Variants in FBXW7 observed in about 807,000 individuals in gnomAD.
FBXW7 encodes the protein F-box and WD repeat domain containing 7, also known as F-box/WD repeat-containing protein 7.
A neutral mutation model predicts 86.3 loss-of-function variants in FBXW7; 11 were observed. The observed-to-expected ratio is 0.13, with a 90% CI of 0.08 to 0.21. The LOEUF (loss-of-function observed/expected upper bound fraction) is 0.21. FBXW7 is among the 10% of genes least tolerant of loss of function. The pLI, the probability that FBXW7 is intolerant of heterozygous loss-of-function variation, is 1.00. For missense variants in FBXW7, 488 were observed against 847.4 expected (o/e 0.58, Z 5.27); for synonymous variants, 313 against 297.9 (o/e 1.05, Z -0.52).
chr4:152,468,896 A>T (rs1285374104), intron 2 of FBXW7, among the ~76,000 whole-genome samples: 2 of 152,116 alleles, frequency 1.3e-5, no homozygotes, highest in East Asian at 3.8e-4. Context: ...CAACTCCAGA[A>T]ATCAGTTACC....
chr4:152,530,355 T>C (rs1329872009), intron 2 of FBXW7: 5 of 152,158 alleles, frequency 3.3e-5, no homozygotes, highest in Admixed American at 6.5e-5. Flanking sequence ...AAACCAACCA[T>C]AGACACTTCT....
At chr4:152,378,971 A>G (rs539247311) in intron 4 of FBXW7, among the ~76,000 whole-genome samples, 75 of 152,198 alleles carry the variant, frequency 4.9e-4, no homozygotes, top group Admixed American at 9.2e-4. Context: ...GCGCCACTAC[A>G]CTCCAGCCTG....
At chr4:152,351,406 G>A (rs2126655860) in intron 4 of FBXW7, among the ~76,000 whole-genome samples, 1 of 152,148 alleles carries the variant, frequency 6.6e-6, no homozygotes, top group East Asian at 1.9e-4. Context: ...ATACCTACTG[G>A]AAAGAAATGG....
chr4:152,519,331 G>T (rs568422468), intron 2 of FBXW7, among the ~76,000 whole-genome samples: 55 of 151,874 alleles, frequency 3.6e-4, no homozygotes, highest in East Asian at 3.5e-3. Flanking sequence ...AAGAAAGAAA[G>T]AAAGAATAAT....
intron 2 of FBXW7, among the ~76,000 whole-genome samples, chr4:152,444,296 G>A (rs1741175348): frequency 6.6e-6 from 1 of 151,290 alleles, no homozygotes; most frequent in Non-Finnish European, 1.5e-5. Flanking sequence ...AACATTTTAT[G>A]GCTGGATGGT....
At chr4:152,475,735 T>G (rs1285098975) in intron 2 of FBXW7, among the ~76,000 whole-genome samples, 3 of 152,202 alleles carry the variant, frequency 2.0e-5, no homozygotes, top group African/African-American at 7.2e-5. Context: ...CATCAAAAAT[T>G]TTTAAAGCAG....
chr4:152,344,249 C>T (rs1260078834), intron 6 of FBXW7, among the ~76,000 whole-genome samples: 1 of 152,068 alleles, frequency 6.6e-6, no homozygotes, highest in African/African-American at 2.4e-5. Context: ...CTGGGACCAG[C>T]CCTGAAAATA....
In FBXW7 at chr4:152,354,227, T is replaced by TA. The variant is rs200077326; in HGVS notation, c.502-4104dup. On this transcript the variant is annotated intron_variant, in intron 4 of 13. Transcript: ENST00000281708. ...TTATATTCTACTGTCTACTTATCTTTAAAAAAAATCTCCTACCTGGCTCTT... is the reference window on the plus strand; with the variant it reads ...TTATATTCTACTGTCTACTTATCTTTAAAAAAAAATCTCCTACCTGGCTCTT... Among the ~76,000 whole-genome samples, 199 of 152,062 alleles carry TA rather than the reference T, an allele frequency of 1.3e-3. 2 individuals carry two copies. The East Asian group carries it at 0.034, about 26-fold the overall frequency.
At chr4:152,468,337 GCTC>G (rs1348941736) in intron 2 of FBXW7, among the ~76,000 whole-genome samples, 17 of 151,914 alleles carry the variant, frequency 1.1e-4, no homozygotes, top group South Asian at 4.1e-4. Flanking sequence ...ACAGAAAAGC[GCTC>G]CTAATAGCCA....
chr4:152,368,001 T>C (rs1733656325), intron 4 of FBXW7, among the ~76,000 whole-genome samples: 1 of 152,056 alleles, frequency 6.6e-6, no homozygotes, highest in Non-Finnish European at 1.5e-5. Flanking sequence ...AGTCGATTAA[T>C]ATTCTAAAAA....
chr4:152,503,087 T>C (rs994054884), intron 2 of FBXW7, among the ~76,000 whole-genome samples: 2 of 152,182 alleles, frequency 1.3e-5, no homozygotes, highest in African/African-American at 4.8e-5. Flanking sequence ...TATAGAAATT[T>C]TGTTAGAAAA....
chr4:152,424,363 TAATA>T (rs1313140339), intron 2 of FBXW7, among the ~76,000 whole-genome samples: 1 of 152,172 alleles, frequency 6.6e-6, no homozygotes, highest in Admixed American at 6.5e-5. Flanking sequence ...TTATTAAATT[TAATA>T]AATAAAATGG....
Position 152,452,014 on chromosome 4 carries a change from T to C in FBXW7, c.-119-39485A>G, listed in dbSNP as rs192089448. 3.9e-5 allele frequency among the ~76,000 whole-genome samples: 6 copies of C among 152,224 alleles called. No homozygotes were observed. The East Asian group carries it at 1.2e-3, about 29-fold the overall frequency. On this transcript the variant is annotated intron_variant, in intron 2 of 13. Transcript: ENST00000281708. ...GATGTTACTTATGTTTTTTACTCTG[T>C]CTCTTGAGTATACACAAAGTAAAGT... is the stretch of plus-strand genomic sequence containing the variant.
chr4:152,406,177 T>C (rs1737405838), intron 4 of FBXW7, among the ~76,000 whole-genome samples: 1 of 152,260 alleles, frequency 6.6e-6, no homozygotes, highest in African/African-American at 2.4e-5. Flanking sequence ...GTGATATTTG[T>C]GTATACTTCA....
chr4:152,481,650 C>T (rs775478016), intron 2 of FBXW7, among the ~76,000 whole-genome samples: 2 of 152,136 alleles, frequency 1.3e-5, no homozygotes, highest in African/African-American at 4.8e-5. Flanking sequence ...GATCAAAACA[C>T]CAGCATTAAC....
chr4:152,525,371 G>A (rs1749413202), intron 2 of FBXW7, among the ~76,000 whole-genome samples: 1 of 145,918 alleles, frequency 6.9e-6, no homozygotes, highest in Non-Finnish European at 1.5e-5. Flanking sequence ...GTAAACACAT[G>A]TCACGAGGGT....
rs34073737 is a variant in FBXW7, at chr4:152,387,708, C to CTTTTTTTTTT, written c.501+23585_501+23594dup. ...ATCAAAGAAAAAAAACATGGCATAC[C>CTTTTTTTTTT]TTTTTTTTTTTTTTTTTTGAGACTG... On this transcript the variant is annotated intron_variant, in intron 4 of 13. Transcript: ENST00000281708. Among the ~76,000 whole-genome samples the CTTTTTTTTTT allele has an allele frequency of 6.2e-4, 70 of 112,792 alleles. 3 individuals are homozygous for CTTTTTTTTTT. In the East Asian group the frequency reaches 7.9e-3, roughly 13 times the overall value. 74.0% of individuals were successfully genotyped at this position (112,792 alleles called of 152,430 possible). A position where few individuals can be genotyped will look rare whatever the true frequency, so the allele number is the denominator to read the frequency against.
chr4:152,397,095 CCT>C (rs1343732931), intron 4 of FBXW7, among the ~76,000 whole-genome samples: 1 of 151,650 alleles, frequency 6.6e-6, no homozygotes, highest in African/African-American at 2.4e-5. Flanking sequence ...TTCACATGAC[CCT>C]CTTTTATTTT....
At chr4:152,512,622 AAAG>A (rs1296384621) in intron 2 of FBXW7, among the ~76,000 whole-genome samples, 1 of 152,212 alleles carries the variant, frequency 6.6e-6, no homozygotes, top group East Asian at 1.9e-4. Context: ...GTGTTACGTG[AAAG>A]AAGCCAAACA....
Sources: gnomAD v4.1 joint callset for allele counts (sites outside exome capture counted in the v4.1 genomes callset) on GRCh38, gnomAD v4.1.1 for gene constraint, MANE v1.5 for transcripts, NCBI Gene and HGNC (gene_info 2026-07-23, HGNC 2026-07-21) for gene names.